The following DDX6 variants were observed in gnomAD, a reference collection of about 807,000 sequenced individuals.
The protein encoded by DDX6 is DEAD-box helicase 6.
Under a neutral mutation model 60.6 loss-of-function variants are expected in DDX6, and 7 were observed. The observed-to-expected ratio is 0.12, with a 90% CI of 0.07 to 0.22. DDX6 has a LOEUF of 0.22. Among genes scored for constraint, DDX6 ranks in the 10% least tolerant of loss-of-function variants. The pLI is 1.00. For synonymous variants in DDX6, 207 were observed against 201.0 expected, an observed-to-expected ratio of 1.03 and a Z score of -0.25; for missense variants, 270 against 589.9, an observed-to-expected ratio of 0.46 and a Z score of 5.62.
Position 118,786,525 on chromosome 11 carries a change from C to G in DDX6, c.-267-7G>C, listed in dbSNP as rs1188495986. On this transcript the variant is annotated splice_region_variant and splice_polypyrimidine_tract_variant and intron_variant, in intron 1 of 13. Transcript: ENST00000534980. ...TGAATTCACTCACGTCAATCTGAAA[C>G]AAACAAACAAAATTAAATTAGCAAA... The G allele has an allele frequency of 3.5e-6, 1 of 282,392 alleles. No homozygotes were observed. The highest frequency in any genetic ancestry group is 2.2e-5 in the African/African-American group (1 of 46,402). The allele number at this position is 282,392 out of a possible 1,614,324, so 17.5% of individuals were successfully genotyped here. A position where few individuals can be genotyped will look rare whatever the true frequency, so the allele number is the denominator to read the frequency against.
At chr11:118,779,378 A>G (rs905251712) in intron 4 of DDX6, among the ~76,000 whole-genome samples, 11 of 152,204 alleles carry the variant, frequency 7.2e-5, no homozygotes, top group African/African-American at 1.9e-4. Flanking sequence ...CAGATGAGAT[A>G]GAAGTATTTT....
intron 8 of DDX6, 35 bp downstream of exon 8, chr11:118,759,887 G>A (rs1382034745): frequency 1.3e-6 from 2 of 1,599,934 alleles, no homozygotes; most frequent in East Asian, 4.5e-5. Flanking sequence ...AAGGTCACAG[G>A]ATGGCACTGA....
intron 4 of DDX6, among the ~76,000 whole-genome samples, chr11:118,770,404 G>A (rs1253181981): frequency 1.3e-5 from 2 of 152,104 alleles, no homozygotes; most frequent in African/African-American, 4.8e-5. Flanking sequence ...CTATGCCTGG[G>A]CTAACGACAA....
At chr11:118,788,459 G>C (rs916535257) in intron 1 of DDX6, 1 of 152,016 alleles carries the variant, frequency 6.6e-6, no homozygotes, top group African/African-American at 2.4e-5. Flanking sequence ...GTGCAATGGC[G>C]CGCTCTCAGC....
At chr11:118,758,954 T>A (rs782205284) in intron 8 of DDX6, 52 bp from the exon 9 acceptor site, 2 of 1,605,852 alleles carry the variant, frequency 1.2e-6, no homozygotes, top group Non-Finnish European at 1.7e-6. Flanking sequence ...GAAAGCAGAG[T>A]TCATCTCAAA....
chr11:118,765,384 A>G, intron 5 of DDX6, 29 bp from the exon 6 acceptor site: 1 of 1,611,972 alleles, frequency 6.2e-7, no homozygotes, highest in Non-Finnish European at 8.5e-7. Context: ...ATATATAAGA[A>G]AATATGGGGT....
chr11:118,782,470 G>A (rs868911680), intron 2 of DDX6, among the ~76,000 whole-genome samples: 3 of 149,984 alleles, frequency 2.0e-5, no homozygotes, highest in African/African-American at 4.9e-5. Flanking sequence ...TGACATCTTC[G>A]AAAAAGTTTT....
chr11:118,762,238 T>C (rs1861196137), intron 7 of DDX6, among the ~76,000 whole-genome samples: 2 of 149,326 alleles, frequency 1.3e-5, no homozygotes, highest in Non-Finnish European at 3.0e-5. Flanking sequence ...ATCACGCCAC[T>C]GCACTCCAGT....
intron 13 of DDX6, 47 bp from the exon 14 acceptor site, chr11:118,752,144 A>G (rs1860796452): frequency 4.7e-6 from 1 of 210,558 alleles, no homozygotes; most frequent in Non-Finnish European, 9.8e-6. Context: ...AGCAACACAA[A>G]CTAGGATACA....
intron 4 of DDX6, among the ~76,000 whole-genome samples, chr11:118,768,695 G>A (rs1861434219): frequency 6.6e-6 from 1 of 151,956 alleles, no homozygotes; most frequent in Admixed American, 6.6e-5. Flanking sequence ...CAAAACAAAA[G>A]CAAAGCCTCC....
At chr11:118,781,724 T>TC (rs782744599) in intron 2 of DDX6, among the ~76,000 whole-genome samples, 10 of 152,032 alleles carry the variant, frequency 6.6e-5, no homozygotes, top group Non-Finnish European at 1.5e-4. Context: ...GGTCAGGAGT[T>TC]CGAGACCAGC....
intron 2 of DDX6, among the ~76,000 whole-genome samples, chr11:118,785,614 C>G (rs1219308262): frequency 1.3e-5 from 2 of 151,730 alleles, no homozygotes; most frequent in Non-Finnish European, 2.9e-5. Flanking sequence ...CTGGGCAAGT[C>G]TTTAAAGACT....
intron 4 of DDX6, among the ~76,000 whole-genome samples, chr11:118,774,995 C>CA (rs1294368074): frequency 6.6e-6 from 1 of 152,124 alleles, no homozygotes; most frequent in African/African-American, 2.4e-5. Flanking sequence ...GTGATGGGTG[C>CA]ACCCAAATCT....
At chr11:118,776,551 T>C (rs987733379) in intron 4 of DDX6, among the ~76,000 whole-genome samples, 1 of 152,084 alleles carries the variant, frequency 6.6e-6, no homozygotes, top group Non-Finnish European at 1.5e-5. Context: ...AAGACCTCAG[T>C]GGGCCAGGTG....
intron 5 of DDX6, among the ~76,000 whole-genome samples, chr11:118,766,732 C>T (rs996022403): frequency 2.0e-4 from 30 of 151,802 alleles, no homozygotes; most frequent in Non-Finnish European, 4.3e-4. Flanking sequence ...TAACCGCCAC[C>T]ACACCCAGCT....
At position 118,749,853 on chromosome 11, in the gene DDX6, A is replaced by G. The variant is rs1860694034; in HGVS notation, c.*2252T>C. ...TCCTTAATTAGGTTTTCTATTTAGT[A>G]ACCAACATTGACTGGACAGAAAATA... On this transcript the variant is annotated 3_prime_UTR_variant, in exon 14 of 14. Coordinates refer to ENST00000534980, the MANE Select transcript of DDX6 (RefSeq NM_004397.6). 6.6e-6 allele frequency: 1 copy of G among 152,574 alleles called. No individual in the cohort carries two copies. Among genetic ancestry groups the G allele is most frequent in the South Asian group, 2.1e-4 (1 of 4,830 alleles). The allele number at this position is 152,574 out of a possible 1,614,324, so 9.5% of individuals were successfully genotyped here.
chr11:118,770,274 G>A (rs970492361), intron 4 of DDX6, among the ~76,000 whole-genome samples: 2 of 150,474 alleles, frequency 1.3e-5, no homozygotes, highest in Non-Finnish European at 1.5e-5. Flanking sequence ...ATGATCCACC[G>A]ACCTCGGCCT....
rs911663943 is a variant in DDX6, at chr11:118,755,812, G to A, written c.1175-309C>T. ...GAAGATCACCTGAGGTCAGGAGTTCGAGACCAGCCTGGCCAACATGGTGAA... is the reference window on the plus strand; with the variant it reads ...GAAGATCACCTGAGGTCAGGAGTTCAAGACCAGCCTGGCCAACATGGTGAA... On this transcript the variant is annotated intron_variant, in intron 11 of 13. Coordinates refer to ENST00000534980, the MANE Select transcript of DDX6 (RefSeq NM_004397.6). Among the ~76,000 whole-genome samples the A allele has an allele frequency of 1.5e-4, 23 of 151,964 alleles. No homozygotes were observed. In the East Asian group the frequency reaches 4.1e-3, roughly 27 times the overall value.
upstream of DDX6, chr11:118,791,670 GTCCGAGCCTCTCGGGGCGCGCC>G (rs1463623440): frequency 1.3e-5 from 2 of 152,134 alleles, no homozygotes; most frequent in Non-Finnish European, 1.5e-5. Flanking sequence ...AAGGGGCCGC[GTCCGAGCCTCTCGGGGCGCGCC>G]TCCATGCAGG....
Sources: gnomAD v4.1 joint callset for allele counts (sites outside exome capture counted in the v4.1 genomes callset) on GRCh38, gnomAD v4.1.1 for gene constraint, MANE v1.5 for transcripts, NCBI Gene and HGNC (gene_info 2026-07-23, HGNC 2026-07-21) for gene names.